CSF2RB: variants seen among roughly 807,000 people sequenced by gnomAD.
CSF2RB encodes colony stimulating factor 2 receptor subunit beta.
In CSF2RB, 22 loss-of-function variants were observed where a neutral mutation model predicts 67.2. The ratio of observed to expected loss-of-function variants is 0.33; its 90% CI spans 0.23 to 0.47. The LOEUF (loss-of-function observed/expected upper bound fraction) is 0.47, where lower values mean the gene tolerates loss of function less well. Ranked by LOEUF, CSF2RB falls within the 20% of genes least tolerant of loss-of-function variation. The pLI, the probability that CSF2RB is intolerant of heterozygous loss-of-function variation, is 1.00. For synonymous variants in CSF2RB, 507 were observed against 482.9 expected (o/e 1.05, Z -0.65); for missense variants, 1,113 against 1,174.5 (o/e 0.95, Z 0.76).
rs1941342089 is a variant in CSF2RB, at chr22:36,939,382, ATATGC to A, written c.*882_*886del. 3 of 663,280 alleles carry A rather than the reference ATATGC, an allele frequency of 4.5e-6. No individual in the cohort carries two copies. In the Admixed American group the frequency reaches 6.6e-5, roughly 14 times the overall value. The allele number at this position is 663,280 out of a possible 1,614,324, so 41.1% of individuals were successfully genotyped here. ...ACAAAGGAAAATGCCCCAAAGGCAT[ATATGC>A]TTTAGGGCCTTTGGTCCAAATGGCC... On this transcript the variant is annotated 3_prime_UTR_variant, in exon 14 of 14. Coordinates refer to ENST00000403662, the MANE Select transcript of CSF2RB (RefSeq NM_000395.3).
chr22:36,930,975 C>A (rs890683285), intron 8 of CSF2RB, 145 bp downstream of exon 8: 13 of 1,031,474 alleles, frequency 1.3e-5, no homozygotes, highest in Non-Finnish European at 1.6e-5. Flanking sequence ...CAAAAGTGAA[C>A]AGAGAAGCAA....
In CSF2RB at chr22:36,923,827, C is replaced by T. The variant is rs553588403; in HGVS notation, c.200+460C>T. Reference sequence around the variant, plus strand: ...AACTGAGGCCCTGGAGGTGAGGTGCCAGCCCTGGCCACGGGGTAGACAGTG... The same window carrying T: ...AACTGAGGCCCTGGAGGTGAGGTGCTAGCCCTGGCCACGGGGTAGACAGTG... On this transcript the variant is annotated intron_variant, in intron 3 of 13. Coordinates refer to ENST00000403662, the MANE Select transcript of CSF2RB (RefSeq NM_000395.3). The T allele has an allele frequency of 6.4e-5, 81 of 1,271,514 alleles. No homozygotes were observed. In the Admixed American group the frequency reaches 1.6e-3, roughly 25 times the overall value. The allele number at this position is 1,271,514 out of a possible 1,614,324, so 78.8% of individuals were successfully genotyped here. A position where few individuals can be genotyped will look rare whatever the true frequency, so the allele number is the denominator to read the frequency against.
intron 1 of CSF2RB, among the ~76,000 whole-genome samples, chr22:36,919,100 G>A (rs937919500): frequency 6.6e-6 from 1 of 152,190 alleles, no homozygotes; most frequent in Non-Finnish European, 1.5e-5. Flanking sequence ...ACGGAGTATA[G>A]GAAGGAAATA....
rs1601591266 is a variant in CSF2RB at position 36,933,758 on chromosome 22, G to A, written c.1153-74G>A. On this transcript the variant is annotated intron_variant, in intron 9 of 13. Transcript: ENST00000403662. ...GGAGCTAGGAGCCAGCGAAGCCGAG[G>A]GTCCAGGTGGGAGGGATTTGCAGCT... 3.3e-6 allele frequency: 5 copies of A among 1,535,994 alleles called. No individual in the cohort carries two copies. The East Asian group carries it at 9.7e-5, about 30-fold the overall frequency.
At position 36,937,519 on chromosome 22, in the gene CSF2RB, C is replaced by G; in HGVS notation, c.1711C>G (p.Pro571Ala). ...LPTEQPPSPQ[P>A]GPPAASHTPE... ...CACAGAGCAGCCCCCCAGCCCCCAGCCAGGCCCGCCTGCCGCCTCCCACAC... is the reference window on the plus strand; with the variant it reads ...CACAGAGCAGCCCCCCAGCCCCCAGGCAGGCCCGCCTGCCGCCTCCCACAC... Residue 571 changes from proline (P) to alanine (A), a missense_variant, in exon 14 of 14, where the codon CCA becomes GCA. By Grantham distance (27) the Pro-to-Ala change is conservative. Coordinates refer to ENST00000403662, the MANE Select transcript of CSF2RB (RefSeq NM_000395.3). This position sits in a 1 kb window ranked among gnomAD's most constrained non-coding sequence, Gnocchi z 4.6. 3 of 1,613,896 alleles carry G rather than the reference C, an allele frequency of 1.9e-6. No individual in the cohort carries two copies. Among genetic ancestry groups the G allele is most frequent in the Non-Finnish European group, 2.5e-6 (3 of 1,179,922 alleles).
chr22:36,930,561 C>T (rs376898001), intron 7 of CSF2RB, 51 bp downstream of exon 7: 2 of 1,611,778 alleles, frequency 1.2e-6, no homozygotes, highest in Non-Finnish European at 1.7e-6. Flanking sequence ...CTTGCTCTCT[C>T]CAAGCTTCCT....
intron 2 of CSF2RB, among the ~76,000 whole-genome samples, chr22:36,922,910 G>T (rs1940912366): frequency 6.6e-6 from 1 of 152,162 alleles, no homozygotes; most frequent in Middle Eastern, 3.4e-3. Context: ...CTCCCAGGCT[G>T]CACAGTCGGT....
chr22:36,932,817 C>CTG lies in CSF2RB; in HGVS notation c.1065_1066insTG (p.Leu356CysfsTer7). ...TGACCAAGGATGGAGACAGCTACAG[C>CTG]CTGCGCTGGGAAACAATGAAAATGC... On this transcript the variant is annotated frameshift_variant, in exon 9 of 14. Transcript: ENST00000403662. LOFTEE classifies it high-confidence loss of function. 6 of 1,614,140 alleles carry CTG rather than the reference C, an allele frequency of 3.7e-6. No homozygotes were observed. The highest frequency in any genetic ancestry group is 5.1e-6 in the Non-Finnish European group (6 of 1,180,046).
At chr22:36,935,138 C>T (rs1941239671) in intron 10 of CSF2RB, among the ~76,000 whole-genome samples, 1 of 152,152 alleles carries the variant, frequency 6.6e-6, no homozygotes, top group Admixed American at 6.5e-5. Flanking sequence ...CCTGTGTCCT[C>T]CCAGCACTTT....
intron 1 of CSF2RB, among the ~76,000 whole-genome samples, chr22:36,921,329 G>A (rs1057158757): frequency 2.2e-4 from 34 of 151,654 alleles, no homozygotes; most frequent in Non-Finnish European, 1.0e-4. Context: ...GTCTGCCTCT[G>A]TGTGTGTGTC....
chr22:36,923,198 G>A (rs1392510056), intron 2 of CSF2RB, 46 bp from the exon 3 acceptor site: 1 of 1,613,788 alleles, frequency 6.2e-7, no homozygotes, highest in Admixed American at 1.7e-5. Context: ...GGTGACAAGG[G>A]TCCCTGCAGG....
chr22:36,927,264 G>A (rs1391525257), intron 4 of CSF2RB, among the ~76,000 whole-genome samples: 3 of 152,216 alleles, frequency 2.0e-5, no homozygotes, highest in Non-Finnish European at 4.4e-5. Flanking sequence ...TGATGGACAC[G>A]AGAGTCCCTT....
In CSF2RB at chr22:36,933,998, G is replaced by C. The variant is rs371555984; in HGVS notation, c.1315+4G>C. 8.1e-6 allele frequency: 13 copies of C among 1,611,950 alleles called. No individual in the cohort carries two copies. The highest frequency in any genetic ancestry group is 1.1e-5 in the Non-Finnish European group (13 of 1,179,978). Reference sequence around the variant, plus strand: ...CGCTCCTGGGACACCGAGTCGGGTAGGTGAAGGCTGGAGTCCAGAGCTTCT... The same window carrying C: ...CGCTCCTGGGACACCGAGTCGGGTACGTGAAGGCTGGAGTCCAGAGCTTCT... On this transcript the variant is annotated splice_donor_region_variant and intron_variant, in intron 10 of 13. Transcript: ENST00000403662.
At chr22:36,921,036 T>C (rs1940851177) in intron 1 of CSF2RB, among the ~76,000 whole-genome samples, 1 of 151,798 alleles carries the variant, frequency 6.6e-6, no homozygotes, top group South Asian at 2.1e-4. Flanking sequence ...TGTGTGTGTA[T>C]GTCTGTGTGT....
Position 36,937,943 on chromosome 22 carries a change from T to A in CSF2RB, c.2135T>A (p.Val712Asp). Residue 712 changes from valine (V) to aspartate (D), a missense_variant, in exon 14 of 14, where the codon GTC becomes GAC. This residue lies in a region of CSF2RB where 554 missense variants were observed against 517.9 expected (regional missense o/e 1.07). Transcript: ENST00000403662. This position sits in a 1 kb window ranked among gnomAD's most constrained non-coding sequence, Gnocchi z 4.6. ...TEDPGVASGYVSSADLVFTPN... is the reference protein window; with the variant it reads ...TEDPGVASGYDSSADLVFTPN... ...GACCCTGGAGTGGCCTCTGGTTATG[T>A]CTCCTCTGCAGACCTGGTATTCACC... 1 of 1,614,040 alleles carries A rather than the reference T, an allele frequency of 6.2e-7. No individual in the cohort carries two copies. Among genetic ancestry groups the A allele is most frequent in the Non-Finnish European group, 8.5e-7 (1 of 1,179,966 alleles).
chr22:36,935,221 A>G (rs1483291031), intron 10 of CSF2RB, 130 bp from the exon 11 acceptor site: 5 of 818,672 alleles, frequency 6.1e-6, no homozygotes, highest in Non-Finnish European at 8.3e-6. Flanking sequence ...CCCCCAAGGC[A>G]GTAAGTTCCA....
chr22:36,920,973 T>C (rs1940848351), intron 1 of CSF2RB, among the ~76,000 whole-genome samples: 1 of 139,392 alleles, frequency 7.2e-6, no homozygotes, highest in South Asian at 2.3e-4. Flanking sequence ...AGCCAGCATG[T>C]CCATTGATAG....
chr22:36,939,211 C>T lies in CSF2RB; in HGVS notation c.*709C>T. The T allele has an allele frequency of 1.4e-6, 1 of 702,332 alleles. No individual in the cohort carries two copies. The highest frequency in any genetic ancestry group is 2.6e-6 in the Non-Finnish European group (1 of 384,838). 43.5% of individuals were successfully genotyped at this position (702,332 alleles called of 1,614,324 possible). ...GCCCTGCTAGTTGTCTCAGTGATGTCTGTGGGACCTCCAGTCCCTTGAGAC... is the reference window on the plus strand; with the variant it reads ...GCCCTGCTAGTTGTCTCAGTGATGTTTGTGGGACCTCCAGTCCCTTGAGAC... On this transcript the variant is annotated 3_prime_UTR_variant, in exon 14 of 14. Transcript: ENST00000403662.
At chr22:36,932,155 C>G (rs1419080764) in intron 8 of CSF2RB, among the ~76,000 whole-genome samples, 1 of 152,222 alleles carries the variant, frequency 6.6e-6, no homozygotes, top group African/African-American at 2.4e-5. Context: ...CATAGTCAGG[C>G]TGGGCGCGGT....
Sources: gnomAD v4.1 joint callset for allele counts (sites outside exome capture counted in the v4.1 genomes callset) on GRCh38, gnomAD v4.1.1 for gene constraint, gnomAD v4.1.1 regional missense constraint, Gnocchi (gnomAD v3.1) non-coding constraint, MANE v1.5 for transcripts, NCBI Gene and HGNC (gene_info 2026-07-23, HGNC 2026-07-21) for gene names.